CASK: variants seen among roughly 807,000 people sequenced by gnomAD.
CASK encodes peripheral plasma membrane protein CASK.
A neutral mutation model predicts 82.9 loss-of-function variants in CASK; 4 were observed. The observed-to-expected ratio is 0.05, with a 90% CI of 0.02 to 0.11. CASK has a LOEUF of 0.11. Ranked by LOEUF, CASK falls within the 10% of genes least tolerant of loss-of-function variation. The pLI is 1.00. For missense variants in CASK, 358 were observed against 720.9 expected, an observed-to-expected ratio of 0.50 and a Z score of 5.76; for synonymous variants, 259 against 253.5, an observed-to-expected ratio of 1.02 and a Z score of -0.20.
intron 2 of CASK, among the ~76,000 whole-genome samples, chrX:41,840,567 C>T (rs963552670): frequency 8.9e-6 from 1 of 112,012 alleles, no homozygotes; most frequent in Non-Finnish European, 1.9e-5. Context: ...GTATAGCTTT[C>T]ATTTCCTTAT....
At chrX:41,620,741 A>T (rs1040057119) in intron 11 of CASK, among the ~76,000 whole-genome samples, 3 of 112,173 alleles carry the variant, frequency 2.7e-5, no homozygotes, top group Admixed American at 9.5e-5. Flanking sequence ...AGCAATAATG[A>T]ATCCTGTAAT....
At chrX:41,767,845 T>C (rs1014184547) in intron 3 of CASK, among the ~76,000 whole-genome samples, 1 of 111,502 alleles carries the variant, frequency 9.0e-6, no homozygotes, top group African/African-American at 3.3e-5. Context: ...CTGGTAATGC[T>C]AATGTGATCA....
At chrX:41,842,308 A>T (rs1418627956) in intron 2 of CASK, among the ~76,000 whole-genome samples, 2 of 111,431 alleles carry the variant, frequency 1.8e-5, no homozygotes, top group Admixed American at 9.5e-5. Context: ...GCAGTGGCTC[A>T]TGGCTATAAT....
chrX:41,622,595 A>T, intron 11 of CASK, 22 bp downstream of exon 11: 1 of 1,184,206 alleles, frequency 8.4e-7, no homozygotes, highest in Non-Finnish European at 1.1e-6. Context: ...TACACCTTAA[A>T]GGAAAACAAA....
intron 25 of CASK, among the ~76,000 whole-genome samples, chrX:41,525,188 C>T (rs760619771): frequency 3.1e-4 from 34 of 111,213 alleles, no homozygotes; most frequent in African/African-American, 1.0e-3. Context: ...TTCAACAGTT[C>T]CCTCTTGGCC....
intron 3 of CASK, among the ~76,000 whole-genome samples, chrX:41,765,376 T>G (rs907412496): frequency 8.9e-6 from 1 of 112,352 alleles, no homozygotes; most frequent in Non-Finnish European, 1.9e-5. Flanking sequence ...CTGGTGGCGA[T>G]GCAAAATGAC....
chrX:41,548,701 A>G (rs900544604), intron 21 of CASK, among the ~76,000 whole-genome samples: 1 of 112,066 alleles, frequency 8.9e-6, no homozygotes, highest in African/African-American at 3.2e-5. Context: ...ACTAAAAGGC[A>G]TAGAATCTTT....
intron 3 of CASK, among the ~76,000 whole-genome samples, chrX:41,771,859 G>C (rs758860823): frequency 1.8e-4 from 20 of 110,915 alleles, no homozygotes; most frequent in African/African-American, 6.2e-4. Flanking sequence ...TGGACTAAAT[G>C]ATCCAAGTAA....
intron 2 of CASK, among the ~76,000 whole-genome samples, chrX:41,825,152 C>T (rs141167561): frequency 0.021 from 2,330 of 111,131 alleles, 33 homozygotes; most frequent in Admixed American, 0.049. Flanking sequence ...GTGATTAATA[C>T]ACATTGCATG....
At chrX:41,865,325 A>G (rs2147997695) in intron 1 of CASK, among the ~76,000 whole-genome samples, 1 of 111,389 alleles carries the variant, frequency 9.0e-6, no homozygotes, top group South Asian at 3.8e-4. Flanking sequence ...GCAACTCCGT[A>G]TTTCCTTCTG....
chrX:41,699,937 G>A (rs889068070), intron 5 of CASK, among the ~76,000 whole-genome samples: 1 of 111,698 alleles, frequency 9.0e-6, no homozygotes, highest in African/African-American at 3.2e-5. Flanking sequence ...GCAGGAAACA[G>A]TTCCTACCTC....
At chrX:41,571,121 G>A (rs2065406048) in intron 15 of CASK, 1 of 111,929 alleles carries the variant, frequency 8.9e-6, no homozygotes, top group African/African-American at 3.2e-5. Flanking sequence ...CTAGTCTATA[G>A]TTTTCTTTCT....
intron 12 of CASK, among the ~76,000 whole-genome samples, chrX:41,593,938 G>C (rs965686481): frequency 4.2e-4 from 47 of 112,188 alleles, no homozygotes; most frequent in Non-Finnish European, 8.3e-4. Flanking sequence ...TTCAAATCTA[G>C]GTAGAGTTTT....
chrX:41,575,222 A>G (rs1250911475), intron 15 of CASK, among the ~76,000 whole-genome samples: 1 of 112,223 alleles, frequency 8.9e-6, no homozygotes, highest in Non-Finnish European at 1.9e-5. Flanking sequence ...CAAATGAGAC[A>G]AAAAGGGTCT....
At chrX:41,724,980 A>C (rs1175413531) in intron 5 of CASK, among the ~76,000 whole-genome samples, 1 of 112,147 alleles carries the variant, frequency 8.9e-6, no homozygotes, top group African/African-American at 3.2e-5. Context: ...AAACTGGCTC[A>C]TTTCACTGTC....
At chrX:41,856,375 A>C (rs184284718) in intron 1 of CASK, among the ~76,000 whole-genome samples, 196 of 111,594 alleles carry the variant, frequency 1.8e-3, no homozygotes, top group African/African-American at 5.8e-3. Context: ...GAAAAGCTGA[A>C]CTGCAAAGAG....
chrX:41,678,845 A>G (rs2067308001), intron 5 of CASK, among the ~76,000 whole-genome samples: 1 of 110,934 alleles, frequency 9.0e-6, no homozygotes. Context: ...TTATCCTTCT[A>G]TCCATCTTAC....
chrX:41,801,117 G>GA (rs931329893), intron 2 of CASK, among the ~76,000 whole-genome samples: 2 of 111,090 alleles, frequency 1.8e-5, no homozygotes, highest in East Asian at 5.6e-4. Flanking sequence ...CAAAGGAGGG[G>GA]AAAAAAAAGC....
Position 41,633,058 on chromosome X carries a change from AT to A in CASK, c.915+3519del, listed in dbSNP as rs199565310. Reference sequence around the variant, plus strand: ...GACTCTCTCAAAAAAAAAAAAAAAAATAATAATAATAATAAAGAAAAACTGT... The same window carrying A: ...GACTCTCTCAAAAAAAAAAAAAAAAAAATAATAATAATAAAGAAAAACTGT... On this transcript the variant is annotated intron_variant, in intron 9 of 26. Transcript: ENST00000378163. Among the ~76,000 whole-genome samples the A allele has an allele frequency of 4.2e-3, 354 of 84,142 alleles. 2 individuals carry two copies. The highest frequency in any genetic ancestry group is 9.0e-3 in the African/African-American group (249 of 27,551). 73.1% of individuals were successfully genotyped at this position (84,142 alleles called of 115,157 possible).
Sources: allele counts gnomAD v4.1 joint callset (sites outside exome capture counted in the v4.1 genomes callset), GRCh38; gene constraint gnomAD v4.1.1; transcripts MANE v1.5; gene names NCBI Gene and HGNC (gene_info 2026-07-23, HGNC 2026-07-21).